NUP210L: variants seen among roughly 807,000 people sequenced by gnomAD.
The protein encoded by NUP210L is nucleoporin 210 like, also known as nuclear pore membrane glycoprotein 210-like.
NUP210L carries 74 observed loss-of-function variants against 208.5 expected under a neutral mutation model. That is an observed-to-expected ratio of 0.35 (90% CI 0.29 to 0.43). The LOEUF (loss-of-function observed/expected upper bound fraction) is 0.43. NUP210L is among the 20% of genes least tolerant of loss of function. NUP210L has a pLI of 1.00. For missense variants in NUP210L, 1,843 were observed against 2,289.4 expected (o/e 0.81, Z 3.98); for synonymous variants, 780 against 816.9 (o/e 0.95, Z 0.77).
exon 40 of NUP210L, chr1:153,992,825 C>T (rs1571138344): frequency 6.4e-7 from 1 of 1,563,404 alleles, no homozygotes; most frequent in Non-Finnish European, 8.7e-7. Flanking sequence ...GAAACTTGTC[C>T]AAGCAGAGGT....
At chr1:154,081,236 A>G (rs960337172) in intron 16 of NUP210L, among the ~76,000 whole-genome samples, 79 of 152,258 alleles carry the variant, frequency 5.2e-4, no homozygotes, top group Admixed American at 1.9e-3. Flanking sequence ...GGATGGAAAA[A>G]AAAAAAAGAT....
intron 10 of NUP210L, among the ~76,000 whole-genome samples, chr1:154,125,691 A>G (rs866580551): frequency 0.059 from 792 of 13,464 alleles, 5 homozygotes; most frequent in Non-Finnish European, 0.11. Flanking sequence ...GGAAGGAAGG[A>G]AGGAAGGAAG....
chr1:154,102,235 T>C (rs929513169), intron 13 of NUP210L, among the ~76,000 whole-genome samples: 2 of 152,156 alleles, frequency 1.3e-5, no homozygotes, highest in African/African-American at 4.8e-5. Context: ...AGCAAAAGTA[T>C]GAAATCATGA....
At chr1:154,146,886 C>T (rs1243898256) in intron 2 of NUP210L, among the ~76,000 whole-genome samples, 1 of 152,088 alleles carries the variant, frequency 6.6e-6, no homozygotes, top group African/African-American at 2.4e-5. Context: ...AGCAGTGGCA[C>T]AATCATAGCT....
At chr1:154,006,557 G>A (rs185463519) in intron 35 of NUP210L, among the ~76,000 whole-genome samples, 1 of 151,276 alleles carries the variant, frequency 6.6e-6, no homozygotes, top group Non-Finnish European at 1.5e-5. Context: ...GAAGTGGCAC[G>A]ATCTCGGCTC....
intron 10 of NUP210L, among the ~76,000 whole-genome samples, chr1:154,121,281 C>T (rs1471887132): frequency 6.6e-6 from 1 of 152,014 alleles, no homozygotes; most frequent in East Asian, 1.9e-4. Context: ...CTATTGCATG[C>T]CATGGAATAG....
chr1:153,997,112 C>T (rs1313691681), intron 37 of NUP210L, among the ~76,000 whole-genome samples: 1 of 151,836 alleles, frequency 6.6e-6, no homozygotes, highest in Admixed American at 6.6e-5. Flanking sequence ...TACAGGGGCC[C>T]GCCACCACGC....
chr1:154,031,027 C>T (rs558559224), intron 27 of NUP210L, among the ~76,000 whole-genome samples: 8 of 152,242 alleles, frequency 5.3e-5, no homozygotes, highest in African/African-American at 1.7e-4. Flanking sequence ...CAATTACAGG[C>T]GTGAGCCACT....
At chr1:154,139,161 G>A (rs1002036545) in intron 5 of NUP210L, among the ~76,000 whole-genome samples, 4 of 151,992 alleles carry the variant, frequency 2.6e-5, no homozygotes, top group East Asian at 1.9e-4. Flanking sequence ...CCAGATATTC[G>A]GGAGGCTGAG....
chr1:153,998,533 G>A lies in NUP210L; in HGVS notation c.5386+2323C>T, dbSNP rs184945846. 6.6e-3 allele frequency among the ~76,000 whole-genome samples: 950 copies of A among 143,894 alleles called. 9 individuals are homozygous for A. The highest frequency in any genetic ancestry group is 0.024 in the African/African-American group (912 of 38,542). 94.4% of individuals were successfully genotyped at this position (143,894 alleles called of 152,430 possible). ...GGTGCCACTGCACTCCAGACTGGGC[G>A]ACAGAGCGAGGTTCTGTCTCAAAAA... On this transcript the variant is annotated intron_variant, in intron 37 of 39. Coordinates refer to ENST00000368559, the Ensembl canonical transcript of NUP210L.
At chr1:154,056,160 C>CT (rs1423992121) in intron 23 of NUP210L, among the ~76,000 whole-genome samples, 2 of 152,076 alleles carry the variant, frequency 1.3e-5, no homozygotes, top group African/African-American at 4.8e-5. Flanking sequence ...CTTTTCTTTT[C>CT]TTTTTTTAAG....
At chr1:153,996,470 G>A (rs1376332319) in intron 37 of NUP210L, among the ~76,000 whole-genome samples, 1 of 152,080 alleles carries the variant, frequency 6.6e-6, no homozygotes, top group Non-Finnish European at 1.5e-5. Context: ...TGCCCAGGCT[G>A]GAGTGCAGTG....
rs1279744071 is a variant in NUP210L at position 154,096,812 on chromosome 1, G to A, written c.1966-1656C>T. On this transcript the variant is annotated intron_variant, in intron 14 of 39. Transcript: ENST00000368559. ...ATACAAGTTTTTGGCCAGGTGTGGT[G>A]GCTCATGCCTGTAATGCAAGCACTT... Among the ~76,000 whole-genome samples the A allele has an allele frequency of 4.7e-5, 7 of 149,344 alleles. No individual in the cohort carries two copies. The South Asian group carries it at 1.5e-3, about 32-fold the overall frequency.
intron 15 of NUP210L, among the ~76,000 whole-genome samples, chr1:154,093,304 T>A (rs1656022796): frequency 6.6e-6 from 1 of 152,058 alleles, no homozygotes; most frequent in Non-Finnish European, 1.5e-5. Flanking sequence ...GGTGCATGCC[T>A]GTAATCCCAG....
intron 25 of NUP210L, 38 bp from the exon 26 acceptor site, chr1:154,046,407 G>A (rs1437204887): frequency 3.2e-6 from 5 of 1,560,336 alleles, no homozygotes; most frequent in South Asian, 1.1e-5. Context: ...AGGCTAAGAG[G>A]GAGTTTCTGT....
chr1:154,098,188 G>T (rs1244292205), intron 14 of NUP210L, among the ~76,000 whole-genome samples: 2 of 152,202 alleles, frequency 1.3e-5, no homozygotes, highest in South Asian at 4.1e-4. Flanking sequence ...CAGCTTCCAC[G>T]CTGCCACTGG....
chr1:154,047,659 A>G (rs1334423029), intron 25 of NUP210L, among the ~76,000 whole-genome samples: 2 of 152,238 alleles, frequency 1.3e-5, no homozygotes, highest in Non-Finnish European at 2.9e-5. Flanking sequence ...TAGTTAATCT[A>G]TAATCTATAG....
intron 16 of NUP210L, among the ~76,000 whole-genome samples, chr1:154,089,065 T>A (rs949110796): frequency 6.6e-6 from 1 of 152,164 alleles, no homozygotes; most frequent in African/African-American, 2.4e-5. Flanking sequence ...CTCAAGTGTC[T>A]ATTGCCATTA....
intron 16 of NUP210L, among the ~76,000 whole-genome samples, chr1:154,084,038 CTTT>C (rs34861266): frequency 6.8e-5 from 7 of 103,604 alleles, no homozygotes; most frequent in East Asian, 3.1e-4. Context: ...CTTTTCCTTT[CTTT>C]TTTTTTTTTT....
Sources: allele counts gnomAD v4.1 joint callset (sites outside exome capture counted in the v4.1 genomes callset), GRCh38; gene constraint gnomAD v4.1.1; transcripts MANE v1.5; gene names NCBI Gene and HGNC (gene_info 2026-07-23, HGNC 2026-07-21).